Variants in BCKDHB observed in about 807,000 individuals in gnomAD.
BCKDHB encodes the protein branched chain keto acid dehydrogenase E1 subunit beta.
BCKDHB carries 41 observed loss-of-function variants against 48.5 expected under a neutral mutation model. The ratio of observed to expected loss-of-function variants is 0.85; its 90% CI spans 0.66 to 1.10. BCKDHB has a LOEUF of 1.10. Ranked by LOEUF, BCKDHB falls within the 50% of genes least tolerant of loss-of-function variation. The pLI, the probability that BCKDHB is intolerant of heterozygous loss-of-function variation, is 0.00. For synonymous variants in BCKDHB, 201 were observed against 174.8 expected (o/e 1.15, Z -1.18); for missense variants, 496 against 494.2 (o/e 1.00, Z -0.03).
the BCKDHB span, among the ~76,000 whole-genome samples, chr6:80,436,147 CTTTTTTTTTTTT>C: frequency 0.051 from 3,581 of 70,444 alleles, 153 homozygotes; most frequent in African/African-American, 0.14. Context: ...AAATTCTTTT[CTTTTTTTTTTTT>C]TTTTTTTTTT....
Position 80,182,939 on chromosome 6 carries a change from G to A in BCKDHB, c.742+11549G>A, listed in dbSNP as rs549466679. On this transcript the variant is annotated intron_variant, in intron 6 of 9. Coordinates refer to ENST00000320393, the MANE Select transcript of BCKDHB (RefSeq NM_183050.4). ...AGCTGGTTTTTATATTCATAAAACC[G>A]TATTCATTTTATAGTCATAAAATTT... is the stretch of plus-strand genomic sequence containing the variant. Among the ~76,000 whole-genome samples the A allele has an allele frequency of 4.9e-4, 74 of 152,082 alleles. 1 individual carries two copies. The South Asian group carries it at 0.015, about 31-fold the overall frequency.
chr6:80,277,314 C>G (rs1304897287), intron 9 of BCKDHB, among the ~76,000 whole-genome samples: 1 of 151,756 alleles, frequency 6.6e-6, no homozygotes, highest in Non-Finnish European at 1.5e-5. Context: ...TTTAAGAAAG[C>G]CTTTAGTGTG....
chr6:80,209,277 C>T (rs1394962585), intron 8 of BCKDHB, among the ~76,000 whole-genome samples: 6 of 151,796 alleles, frequency 4.0e-5, no homozygotes, highest in South Asian at 2.1e-4. Context: ...TTTCGTGATA[C>T]GTATGTCAGA....
intron 8 of BCKDHB, among the ~76,000 whole-genome samples, chr6:80,251,104 C>G (rs1236745893): frequency 1.3e-5 from 2 of 152,040 alleles, no homozygotes; most frequent in Non-Finnish European, 2.9e-5. Context: ...CCCTGGTTTC[C>G]TTTTATTCAC....
chr6:80,312,692 T>C (rs1009282118), intron 9 of BCKDHB, among the ~76,000 whole-genome samples: 1 of 152,098 alleles, frequency 6.6e-6, no homozygotes, highest in Non-Finnish European at 1.5e-5. Context: ...GATAATCATG[T>C]GGTTTTTGTT....
intron 9 of BCKDHB, among the ~76,000 whole-genome samples, chr6:80,331,635 A>G (rs531615653): frequency 6.6e-6 from 1 of 152,188 alleles, no homozygotes; most frequent in Non-Finnish European, 1.5e-5. Context: ...AACATGAGCC[A>G]ATCTGCAGTC....
chr6:80,319,625 A>G (rs1307267729), intron 9 of BCKDHB, among the ~76,000 whole-genome samples: 4 of 152,214 alleles, frequency 2.6e-5, no homozygotes, highest in Non-Finnish European at 5.9e-5. Context: ...AGGCAGGTGT[A>G]TACAACTTCC....
At position 80,270,198 on chromosome 6, in the gene BCKDHB, T is replaced by G. The variant is rs537793636; in HGVS notation, c.952-2937T>G. On this transcript the variant is annotated intron_variant, in intron 8 of 9. Transcript: ENST00000320393. ...ACCTCACAAAATGATTGAACTGTTT[T>G]CAGACAGTTCAGTATATGCTAATTG... 2.6e-5 allele frequency among the ~76,000 whole-genome samples: 4 copies of G among 152,272 alleles called. No homozygotes were observed. In the East Asian group the frequency reaches 7.7e-4, roughly 29 times the overall value.
the BCKDHB span, among the ~76,000 whole-genome samples, chr6:80,357,276 C>G: frequency 4.6e-5 from 7 of 152,228 alleles, no homozygotes; most frequent in East Asian, 1.4e-3. Context: ...GTCCTGGAAC[C>G]TAGTGAGAGC....
chr6:80,355,233 G>A, the BCKDHB span, among the ~76,000 whole-genome samples: 1 of 151,608 alleles, frequency 6.6e-6, no homozygotes, highest in Non-Finnish European at 1.5e-5. Flanking sequence ...AACCCCATCT[G>A]TACTAAAAAC....
At chr6:80,425,516 T>A in the BCKDHB span, among the ~76,000 whole-genome samples, 2 of 152,192 alleles carry the variant, frequency 1.3e-5, no homozygotes, top group Admixed American at 6.5e-5. Context: ...CTGGAGTATC[T>A]GATAATAAGT....
At chr6:80,315,661 C>G (rs949682525) in intron 9 of BCKDHB, among the ~76,000 whole-genome samples, 1 of 151,654 alleles carries the variant, frequency 6.6e-6, no homozygotes, top group Non-Finnish European at 1.5e-5. Flanking sequence ...CCATATCTCC[C>G]AGGTTTGAAT....
the BCKDHB span, among the ~76,000 whole-genome samples, chr6:80,395,733 G>C: frequency 2.6e-5 from 4 of 152,216 alleles, no homozygotes; most frequent in African/African-American, 9.6e-5. Flanking sequence ...GGGCATATCA[G>C]AGAACCTCAA....
chr6:80,170,041 T>G, intron 5 of BCKDHB: 1 of 648,396 alleles, frequency 1.5e-6, no homozygotes, highest in Non-Finnish European at 1.9e-6. Flanking sequence ...TTCCTCTTCC[T>G]TTTTCCTTTT....
chr6:80,231,143 T>G (rs1292116201), intron 8 of BCKDHB, among the ~76,000 whole-genome samples: 1 of 152,236 alleles, frequency 6.6e-6, no homozygotes, highest in Non-Finnish European at 1.5e-5. Context: ...TTGGGAAGGA[T>G]AGTTTACTGA....
At chr6:80,273,286 A>G (rs1777832314) in intron 9 of BCKDHB, 65 bp downstream of exon 9, 1 of 1,314,940 alleles carries the variant, frequency 7.6e-7, no homozygotes, top group African/African-American at 1.5e-5. Flanking sequence ...CCAGAAGAAA[A>G]TAAATTACTT....
At chr6:80,392,708 C>T in the BCKDHB span, among the ~76,000 whole-genome samples, 14 of 151,536 alleles carry the variant, frequency 9.2e-5, no homozygotes, top group African/African-American at 3.1e-4. Flanking sequence ...GTCACCAAAA[C>T]TGTATTTTCT....
chr6:80,293,454 G>A (rs572419163), intron 9 of BCKDHB, among the ~76,000 whole-genome samples: 1 of 152,296 alleles, frequency 6.6e-6, no homozygotes, highest in African/African-American at 2.4e-5. Flanking sequence ...CTAGAATGCA[G>A]GGCATCAAGT....
intron 8 of BCKDHB, among the ~76,000 whole-genome samples, chr6:80,238,412 A>G (rs557266221): frequency 6.6e-6 from 1 of 152,202 alleles, no homozygotes; most frequent in South Asian, 2.1e-4. Context: ...TCTTTAAATT[A>G]TTCAGTAAAC....
Sources: allele counts gnomAD v4.1 joint callset (sites outside exome capture counted in the v4.1 genomes callset), GRCh38; gene constraint gnomAD v4.1.1; transcripts MANE v1.5; gene names NCBI Gene and HGNC (gene_info 2026-07-23, HGNC 2026-07-21).